Variants in SMG6 observed in about 807,000 individuals in gnomAD.
SMG6 encodes telomerase-binding protein EST1A.
Under a neutral mutation model 142.2 loss-of-function variants are expected in SMG6, and 66 were observed. The observed-to-expected ratio is 0.46, with a 90% CI of 0.38 to 0.57. SMG6 has a LOEUF of 0.57. Ranked by LOEUF, SMG6 falls within the 20% of genes least tolerant of loss-of-function variation. The probability of loss-of-function intolerance (pLI) is 0.00; values close to 1 mark genes in which losing one functional copy is unlikely to be tolerated. For synonymous variants in SMG6, 779 were observed against 702.4 expected, an observed-to-expected ratio of 1.11 and a Z score of -1.72; for missense variants, 1,793 against 1,832.0, an observed-to-expected ratio of 0.98 and a Z score of 0.39.
intron 8 of SMG6, among the ~76,000 whole-genome samples, chr17:2,270,801 C>G (rs1053261485): frequency 6.6e-6 from 1 of 152,326 alleles, no homozygotes; most frequent in Non-Finnish European, 1.5e-5. Flanking sequence ...AATTAATGCC[C>G]CATTCCCCAA....
At chr17:2,248,864 T>C (rs1464983628) in intron 8 of SMG6, among the ~76,000 whole-genome samples, 2 of 151,702 alleles carry the variant, frequency 1.3e-5, no homozygotes, top group African/African-American at 2.4e-5. Flanking sequence ...TGAAGTCAAC[T>C]AGCACTGAGA....
intron 13 of SMG6, among the ~76,000 whole-genome samples, chr17:2,168,722 AAC>A (rs1486221919): frequency 6.6e-6 from 1 of 151,876 alleles, no homozygotes; most frequent in African/African-American, 2.4e-5. Flanking sequence ...ATTAAAAAAC[AAC>A]AAAAAAAGTT....
At chr17:2,207,800 T>C (rs936439757) in intron 10 of SMG6, among the ~76,000 whole-genome samples, 1 of 152,162 alleles carries the variant, frequency 6.6e-6, no homozygotes, top group Non-Finnish European at 1.5e-5. Context: ...CAAAGCTCCA[T>C]AAATGTGGGA....
At chr17:2,231,216 T>C (rs549361805) in intron 10 of SMG6, among the ~76,000 whole-genome samples, 47 of 152,264 alleles carry the variant, frequency 3.1e-4, no homozygotes, top group South Asian at 1.9e-3. Flanking sequence ...GACACTTCGG[T>C]TGCGAACCAA....
At chr17:2,120,022 G>A (rs1388003813) in intron 13 of SMG6, among the ~76,000 whole-genome samples, 1 of 151,732 alleles carries the variant, frequency 6.6e-6, no homozygotes, top group Non-Finnish European at 1.5e-5. Flanking sequence ...TGGTAAGGCT[G>A]GTCTTGAACT....
chr17:2,272,696 TGG>T (rs1567736409), intron 8 of SMG6, among the ~76,000 whole-genome samples: 2 of 152,242 alleles, frequency 1.3e-5, no homozygotes, highest in East Asian at 3.9e-4. Context: ...CCCAGAACTT[TGG>T]GAGGCCGAGG....
At chr17:2,263,723 G>A (rs1054693379) in intron 8 of SMG6, among the ~76,000 whole-genome samples, 35 of 152,138 alleles carry the variant, frequency 2.3e-4, no homozygotes, top group Admixed American at 2.2e-3. Context: ...TAAAGTGAAA[G>A]GCTTCCAAGA....
At chr17:2,228,266 T>C (rs764880310) in intron 10 of SMG6, among the ~76,000 whole-genome samples, 15 of 152,044 alleles carry the variant, frequency 9.9e-5, no homozygotes, top group Non-Finnish European at 1.5e-4. Context: ...ACTCTGTTTG[T>C]TGCCCAGGCT....
intron 15 of SMG6, among the ~76,000 whole-genome samples, chr17:2,070,157 T>G (rs1191468702): frequency 6.6e-6 from 1 of 152,188 alleles, no homozygotes; most frequent in Non-Finnish European, 1.5e-5. Context: ...TCCCGAGAGA[T>G]GCACATTTGC....
At chr17:2,203,263 C>T (rs953039810) in intron 10 of SMG6, among the ~76,000 whole-genome samples, 16 of 152,198 alleles carry the variant, frequency 1.1e-4, no homozygotes, top group African/African-American at 3.9e-4. Context: ...TTACAGGTTA[C>T]TGTCTGAGCC....
intron 9 of SMG6, among the ~76,000 whole-genome samples, chr17:2,244,251 T>C (rs1469061809): frequency 6.6e-6 from 1 of 152,172 alleles, no homozygotes; most frequent in Admixed American, 6.5e-5. Flanking sequence ...GTTACTCTTA[T>C]TTTTGATGGA....
chr17:2,178,822 G>A (rs1264743262), intron 12 of SMG6, among the ~76,000 whole-genome samples: 2 of 152,184 alleles, frequency 1.3e-5, no homozygotes, highest in African/African-American at 4.8e-5. Flanking sequence ...CATGAGTGGA[G>A]CCCTCGGCGG....
At chr17:2,112,524 A>T (rs1050047448) in intron 13 of SMG6, among the ~76,000 whole-genome samples, 5 of 139,714 alleles carry the variant, frequency 3.6e-5, no homozygotes, top group African/African-American at 5.3e-5. Context: ...AATAAAATAA[A>T]AAATAAATAA....
At chr17:2,144,657 T>C (rs1017797924) in intron 13 of SMG6, among the ~76,000 whole-genome samples, 2 of 152,170 alleles carry the variant, frequency 1.3e-5, no homozygotes, top group African/African-American at 4.8e-5. Flanking sequence ...AGAGAGGACT[T>C]GTCTTTGCTT....
At chr17:2,081,202 G>GC (rs2068413846) in intron 15 of SMG6, among the ~76,000 whole-genome samples, 1 of 152,188 alleles carries the variant, frequency 6.6e-6, no homozygotes, top group Non-Finnish European at 1.5e-5. Flanking sequence ...CTAGAGGACA[G>GC]CAAACGGCCT....
rs765211008 is a variant in SMG6, at chr17:2,300,033, G to C, written c.720C>G (p.Ser240=). 10 of 1,614,000 alleles carry C rather than the reference G, an allele frequency of 6.2e-6. No individual in the cohort carries two copies. The highest frequency in any genetic ancestry group is 1.6e-4 in the Middle Eastern group (1 of 6,084). The change falls in exon 2 of 19, where the codon TCC becomes TCG. Residue 240 remains serine, a synonymous_variant. Coordinates refer to ENST00000263073, the MANE Select transcript of SMG6 (RefSeq NM_017575.5). ...TGTCTGAGCGGGAGTAGCGCTTTGCGGAGCCCGGCCTCCCGCGGGCTGGGT... is the reference window on the plus strand; with the variant it reads ...TGTCTGAGCGGGAGTAGCGCTTTGCCGAGCCCGGCCTCCCGCGGGCTGGGT... The part of the protein sequence containing the change: ...HDDPARGRPG[S]AKRYSRSDKR...
chr17:2,227,440 T>C (rs1395283828), intron 10 of SMG6, among the ~76,000 whole-genome samples: 2 of 152,220 alleles, frequency 1.3e-5, no homozygotes, highest in Admixed American at 6.5e-5. Flanking sequence ...AAAATTACTA[T>C]GCTGAGCTAA....
Position 2,172,667 on chromosome 17 carries a change from G to C in SMG6, c.3348C>G (p.Thr1116=), listed in dbSNP as rs145807526. The C allele has an allele frequency of 4.6e-5, 74 of 1,613,366 alleles. No individual in the cohort carries two copies. Among genetic ancestry groups the C allele is most frequent in the Admixed American group, 1.5e-4 (9 of 59,988 alleles). ...APQDPCYVEK[T]SDKVIAADCK... is the part of the protein sequence containing the mutation. ...TTGGCCTGGGGCTGACCTTATCCGA[G>C]GTTTTCTCCACGTAGCAGGGGTCCT... Residue 1116 remains threonine (T), a synonymous_variant, in exon 13 of 19, where the codon ACC becomes ACG. Coordinates refer to ENST00000263073, the MANE Select transcript of SMG6 (RefSeq NM_017575.5).
At chr17:2,249,941 G>A (rs1389778172) in intron 8 of SMG6, among the ~76,000 whole-genome samples, 2 of 152,082 alleles carry the variant, frequency 1.3e-5, no homozygotes, top group African/African-American at 4.8e-5. Flanking sequence ...ATTAACTGTG[G>A]GATTATAAGT....
Sources: allele counts gnomAD v4.1 joint callset (sites outside exome capture counted in the v4.1 genomes callset), GRCh38; gene constraint gnomAD v4.1.1; transcripts MANE v1.5; gene names NCBI Gene and HGNC (gene_info 2026-07-23, HGNC 2026-07-21).